The following MYLK variants were observed in gnomAD, a reference collection of about 807,000 sequenced individuals.
MYLK encodes the protein myosin light chain kinase, smooth muscle.
Under a neutral mutation model 203.4 loss-of-function variants are expected in MYLK, and 106 were observed. That is an observed-to-expected ratio of 0.52 (90% CI 0.45 to 0.61). The LOEUF is 0.61. Ranked by LOEUF, MYLK falls within the 20% of genes least tolerant of loss-of-function variation. The pLI, the probability that MYLK is intolerant of heterozygous loss-of-function variation, is 0.00. For synonymous variants in MYLK, 867 were observed against 959.5 expected (o/e 0.90, Z 1.78); for missense variants, 2,072 against 2,442.3 (o/e 0.85, Z 3.20).
chr3:123,818,875 T>A lies in MYLK; in HGVS notation c.-4+12673A>T, dbSNP rs534391359. On this transcript the variant is annotated intron_variant, in intron 3 of 33. Transcript: ENST00000360304. ...CTGTGCTTGGCACCTGATAAGCATC[T>A]AATTAAGTTTTAGCTACTTCTTAGC... 2.0e-4 allele frequency among the ~76,000 whole-genome samples: 30 copies of A among 152,324 alleles called. No individual in the cohort carries two copies. In the South Asian group the frequency reaches 6.2e-3, roughly 32 times the overall value.
rs143007751 is a variant in MYLK at position 123,757,455 on chromosome 3, G to A, written c.166-4917C>T. On this transcript the variant is annotated intron_variant, in intron 4 of 33. Transcript: ENST00000360304. ...CCACACAGCTGCAGGGCACAGCTGC[G>A]GTGGCCCAACCGCAGATAGGTCACA... Among the ~76,000 whole-genome samples, 7 of 152,226 alleles carry A rather than the reference G, an allele frequency of 4.6e-5. No individual in the cohort carries two copies. In the East Asian group the frequency reaches 5.8e-4, roughly 13 times the overall value.
At chr3:123,739,663 G>T (rs1390114640) in intron 6 of MYLK, among the ~76,000 whole-genome samples, 1 of 152,192 alleles carries the variant, frequency 6.6e-6, no homozygotes, top group African/African-American at 2.4e-5. Flanking sequence ...CCTCTTCTAG[G>T]CTTGCTTATT....
intron 20 of MYLK, among the ~76,000 whole-genome samples, chr3:123,670,435 G>T (rs2059878702): frequency 6.6e-6 from 1 of 152,140 alleles, no homozygotes; most frequent in Non-Finnish European, 1.5e-5. Flanking sequence ...GACAGCAGTG[G>T]TATGAGGATA....
At chr3:123,862,109 G>A (rs769882898) in intron 2 of MYLK, among the ~76,000 whole-genome samples, 4 of 152,222 alleles carry the variant, frequency 2.6e-5, no homozygotes, top group Admixed American at 1.3e-4. Flanking sequence ...CTGGCTCAGC[G>A]TCACCAGTCT....
chr3:123,614,191 T>C lies in MYLK; in HGVS notation c.5659A>G (p.Ser1887Gly), dbSNP rs2057335896. 1.2e-6 allele frequency: 2 copies of C among 1,614,180 alleles called. No individual in the cohort carries two copies. The highest frequency in any genetic ancestry group is 1.7e-5 in the Admixed American group (1 of 60,016). ...GCTGTGCAGGTGGCTTCTCCAAGAC[T>C]GTTGACAGCCTTGCAGGTGTACTTG... ...DAKYTCKAVN[S>G]LGEATCTAEL... Residue 1887 changes from serine (S) to glycine (G), a missense_variant, in exon 34 of 34, where the codon AGT becomes GGT. By Grantham distance (56) the Ser-to-Gly change is moderately conservative. Around this residue, in one of 3 missense-constraint regions of MYLK, gnomAD observed 524 missense variants for 782.4 expected, o/e 0.67. Coordinates refer to ENST00000360304, the MANE Select transcript of MYLK (RefSeq NM_053025.4).
intron 2 of MYLK, among the ~76,000 whole-genome samples, chr3:123,869,200 T>C (rs2148706258): frequency 6.6e-6 from 1 of 152,138 alleles, no homozygotes; most frequent in Non-Finnish European, 1.5e-5. Flanking sequence ...TTGAACCTTG[T>C]CAAGAGGAAA....
intron 3 of MYLK, among the ~76,000 whole-genome samples, chr3:123,797,040 G>A (rs546508944): frequency 3.3e-5 from 5 of 152,276 alleles, no homozygotes; most frequent in Middle Eastern, 6.8e-3. Flanking sequence ...GTCAAATACA[G>A]TGGAATACCA....
chr3:123,879,618 C>G (rs1236899527), intron 1 of MYLK, among the ~76,000 whole-genome samples: 1 of 152,106 alleles, frequency 6.6e-6, no homozygotes, highest in Non-Finnish European at 1.5e-5. Flanking sequence ...GACACATTAC[C>G]TTTGTTTTTT....
At chr3:123,753,962 T>C (rs2063286436) in intron 4 of MYLK, among the ~76,000 whole-genome samples, 1 of 152,208 alleles carries the variant, frequency 6.6e-6, no homozygotes, top group African/African-American at 2.4e-5. Flanking sequence ...GCTTCACTGA[T>C]CTGTAGCAAT....
chr3:123,630,510 G>A (rs1254396), intron 29 of MYLK: 3,834 of 152,320 alleles, frequency 0.025, 68 homozygotes, highest in Middle Eastern at 0.088. Context: ...GGGAATTGAG[G>A]CACAGCCCAG....
At chr3:123,709,289 G>C (rs554332262) in intron 14 of MYLK, 41 of 231,038 alleles carry the variant, frequency 1.8e-4, no homozygotes, top group Admixed American at 7.3e-4. Flanking sequence ...TACAGGCACC[G>C]GCCACCACAC....
chr3:123,871,406 A>C (rs2032774421), intron 2 of MYLK, among the ~76,000 whole-genome samples: 1 of 152,224 alleles, frequency 6.6e-6, no homozygotes, highest in Non-Finnish European at 1.5e-5. Flanking sequence ...TGAAAGAACC[A>C]ATAAAATTCA....
At chr3:123,735,444 C>T (rs369782353) in intron 8 of MYLK, 28 bp from the exon 9 acceptor site, 1 of 1,613,836 alleles carries the variant, frequency 6.2e-7, no homozygotes. Flanking sequence ...GGTGGAAAGA[C>T]TGTTAGTAGA....
At chr3:123,710,519 A>G (rs1057044137) in intron 13 of MYLK, among the ~76,000 whole-genome samples, 2 of 152,212 alleles carry the variant, frequency 1.3e-5, no homozygotes, top group Non-Finnish European at 2.9e-5. Flanking sequence ...TAAGCACCTC[A>G]CAAAAGCCAA....
chr3:123,790,234 A>C (rs139373878), intron 4 of MYLK, among the ~76,000 whole-genome samples: 1 of 152,216 alleles, frequency 6.6e-6, no homozygotes, highest in African/African-American at 2.4e-5. Flanking sequence ...TGAGAGCACC[A>C]GTGATGTCTT....
chr3:123,780,596 G>A (rs978011266), intron 4 of MYLK, among the ~76,000 whole-genome samples: 4 of 152,202 alleles, frequency 2.6e-5, no homozygotes, highest in Non-Finnish European at 5.9e-5. Context: ...CCAAGCACAT[G>A]ATACCAGAAC....
intron 8 of MYLK, 154 bp downstream of exon 8, chr3:123,737,223 GA>G (rs5852360): frequency 0.012 from 7,172 of 602,520 alleles, no homozygotes; most frequent in Middle Eastern, 0.018. Context: ...TGTCTGAAGA[GA>G]AAAAAAAAAA....
intron 19 of MYLK, among the ~76,000 whole-genome samples, chr3:123,689,325 G>A (rs1388638291): frequency 6.6e-6 from 1 of 152,152 alleles, no homozygotes; most frequent in Admixed American, 6.5e-5. Flanking sequence ...GGAATGAGAG[G>A]AAAGGGGTTA....
intron 16 of MYLK, among the ~76,000 whole-genome samples, chr3:123,704,611 G>C (rs563887326): frequency 7.6e-4 from 115 of 152,068 alleles, no homozygotes; most frequent in African/African-American, 2.4e-3. Flanking sequence ...TTACTTTAAA[G>C]AACTAATTTC....
Sources: gnomAD v4.1 joint callset for allele counts (sites outside exome capture counted in the v4.1 genomes callset) on GRCh38, gnomAD v4.1.1 for gene constraint, gnomAD v4.1.1 regional missense constraint, MANE v1.5 for transcripts, NCBI Gene and HGNC (gene_info 2026-07-23, HGNC 2026-07-21) for gene names.